The following RIC8B variants were observed in gnomAD, a reference collection of about 807,000 sequenced individuals.
RIC8B encodes the protein RIC8 guanine nucleotide exchange factor B.
A neutral mutation model predicts 57.5 loss-of-function variants in RIC8B; 16 were observed. That is an observed-to-expected ratio of 0.28 (90% CI 0.19 to 0.42). The LOEUF is 0.42. RIC8B is among the 10% of genes least tolerant of loss of function. RIC8B has a pLI of 1.00. For synonymous variants in RIC8B, 216 were observed against 250.8 expected (o/e 0.86, Z 1.31); for missense variants, 481 against 677.0 (o/e 0.71, Z 3.21).
At chr12:106,797,713 C>G (rs1286005352) in intron 2 of RIC8B, among the ~76,000 whole-genome samples, 1 of 152,204 alleles carries the variant, frequency 6.6e-6, no homozygotes, top group Non-Finnish European at 1.5e-5. Flanking sequence ...CTACACCCAT[C>G]ATCGTTCCAA....
intron 5 of RIC8B, 63 bp downstream of exon 5, chr12:106,842,880 T>G: frequency 1.0e-6 from 1 of 956,506 alleles, no homozygotes; most frequent in Non-Finnish European, 1.6e-6. Flanking sequence ...GTGCCATACA[T>G]ACAGACACAC....
intron 8 of RIC8B, among the ~76,000 whole-genome samples, chr12:106,862,623 C>T (rs76836868): frequency 1.1e-3 from 168 of 152,246 alleles, no homozygotes; most frequent in African/African-American, 3.7e-3. Context: ...CCCAAGATCT[C>T]AGTCTGCTTT....
In RIC8B at chr12:106,799,600, A is replaced by G. The variant is rs538391865; in HGVS notation, c.133-15096A>G. 3.3e-5 allele frequency among the ~76,000 whole-genome samples: 5 copies of G among 152,322 alleles called. No individual in the cohort carries two copies. The South Asian group carries it at 6.2e-4, about 19-fold the overall frequency. On this transcript the variant is annotated intron_variant, in intron 2 of 9. Transcript: ENST00000392837. ...TAATAGGGTCTTTCATATGCTGTCT[A>G]TGTAAATAATTACCATAAGCATGTG...
intron 3 of RIC8B, among the ~76,000 whole-genome samples, chr12:106,822,077 CAAAAAAAAAAAA>C (rs67378158): frequency 3.4e-4 from 13 of 38,038 alleles, no homozygotes; most frequent in South Asian, 1.1e-3. Context: ...GACTCCATCT[CAAAAAAAAAAAA>C]AAAAAAAAAA....
chr12:106,822,248 G>A (rs1168167822), intron 3 of RIC8B: 2 of 152,104 alleles, frequency 1.3e-5, no homozygotes, highest in Admixed American at 6.5e-5. Flanking sequence ...ACACATCCGT[G>A]AGAATGACTA....
Position 106,803,935 on chromosome 12 carries a change from G to T in RIC8B, c.133-10761G>T, listed in dbSNP as rs75302271. On this transcript the variant is annotated intron_variant, in intron 2 of 9. Coordinates refer to ENST00000392837, the MANE Select transcript of RIC8B (RefSeq NM_001330145.2). ...ATAAAACAACATTGTCATAGAAGGA[G>T]TATTATCCCCGTTTTATAGGTAATG... Among the ~76,000 whole-genome samples, 796 of 152,296 alleles carry T rather than the reference G, an allele frequency of 5.2e-3. 2 individuals carry two copies. The highest frequency in any genetic ancestry group is 8.9e-3 in the Non-Finnish European group (608 of 68,010).
At chr12:106,804,771 T>C (rs1410193462) in intron 2 of RIC8B, among the ~76,000 whole-genome samples, 1 of 152,134 alleles carries the variant, frequency 6.6e-6, no homozygotes, top group East Asian at 1.9e-4. Flanking sequence ...AAGAGAGAAC[T>C]CTCCATAAAT....
At chr12:106,791,646 A>G (rs1042828597) in intron 2 of RIC8B, among the ~76,000 whole-genome samples, 37 of 152,204 alleles carry the variant, frequency 2.4e-4, no homozygotes, top group African/African-American at 8.9e-4. Flanking sequence ...AGATCTCTGT[A>G]ATCCACAAAT....
chr12:106,809,612 G>T (rs1363225261), intron 2 of RIC8B, among the ~76,000 whole-genome samples: 1 of 150,244 alleles, frequency 6.7e-6, no homozygotes, highest in Non-Finnish European at 1.5e-5. Context: ...TTTGTAAACT[G>T]TAAAGCACAT....
chr12:106,833,686 G>A (rs1444372725), intron 4 of RIC8B, among the ~76,000 whole-genome samples: 1 of 152,142 alleles, frequency 6.6e-6, no homozygotes, highest in African/African-American at 2.4e-5. Context: ...GTTAATTGTG[G>A]TGGCTTTGAA....
chr12:106,853,943 C>T (rs1307867011), intron 7 of RIC8B, among the ~76,000 whole-genome samples: 1 of 152,118 alleles, frequency 6.6e-6, no homozygotes, highest in Non-Finnish European at 1.5e-5. Flanking sequence ...GGGTCACAGA[C>T]TCAAATGCCT....
intron 2 of RIC8B, among the ~76,000 whole-genome samples, chr12:106,799,985 G>C (rs1193582117): frequency 3.3e-5 from 5 of 152,116 alleles, no homozygotes; most frequent in Non-Finnish European, 7.4e-5. Context: ...TCCTTTCGAA[G>C]CCTTTTCTCC....
chr12:106,825,696 A>G, intron 3 of RIC8B, 30 bp from the exon 4 acceptor site: 1 of 1,561,704 alleles, frequency 6.4e-7, no homozygotes, highest in Non-Finnish European at 8.8e-7. Flanking sequence ...TTCAACCCCC[A>G]ATGTTTCCTC....
chr12:106,878,511 G>T (rs1239975289), intron 9 of RIC8B, among the ~76,000 whole-genome samples: 1 of 152,094 alleles, frequency 6.6e-6, no homozygotes, highest in African/African-American at 2.4e-5. Flanking sequence ...GGCATTTTTT[G>T]AAAAGCTCTA....
intron 7 of RIC8B, 90 bp from the exon 8 acceptor site, chr12:106,860,178 G>C: frequency 2.7e-6 from 3 of 1,116,774 alleles, no homozygotes; most frequent in Non-Finnish European, 3.7e-6. Context: ...GCCATAGTGT[G>C]TGTCTTCAAT....
At chr12:106,863,468 TTTTA>T (rs1422335207) in intron 8 of RIC8B, among the ~76,000 whole-genome samples, 2 of 152,138 alleles carry the variant, frequency 1.3e-5, no homozygotes, top group Non-Finnish European at 2.9e-5. Flanking sequence ...ATACTTTTTC[TTTTA>T]TTTGTCAAGA....
chr12:106,848,641 T>C (rs993556746), intron 6 of RIC8B, among the ~76,000 whole-genome samples: 3 of 152,058 alleles, frequency 2.0e-5, no homozygotes, highest in African/African-American at 7.2e-5. Context: ...TGGATAGATA[T>C]TAAAGAGAGG....
chr12:106,791,526 G>A (rs1213699202), intron 2 of RIC8B, among the ~76,000 whole-genome samples: 1 of 152,026 alleles, frequency 6.6e-6, no homozygotes, highest in Non-Finnish European at 1.5e-5. Context: ...CAGTATTATC[G>A]GCAGAGCCAG....
intron 7 of RIC8B, among the ~76,000 whole-genome samples, chr12:106,857,630 G>A (rs538013919): frequency 2.1e-4 from 32 of 152,218 alleles, no homozygotes; most frequent in African/African-American, 7.2e-4. Flanking sequence ...AAATATATTT[G>A]TGTGTTTCCT....
Sources: gnomAD v4.1 joint callset for allele counts (sites outside exome capture counted in the v4.1 genomes callset) on GRCh38, gnomAD v4.1.1 for gene constraint, MANE v1.5 for transcripts, NCBI Gene and HGNC (gene_info 2026-07-23, HGNC 2026-07-21) for gene names.